GLMN: variants seen among roughly 807,000 people sequenced by gnomAD.
GLMN encodes the protein glomulin, FKBP associated protein, also known as glomulin.
A neutral mutation model predicts 87.8 loss-of-function variants in GLMN; 75 were observed. The ratio of observed to expected loss-of-function variants is 0.85; its 90% CI spans 0.71 to 1.04. GLMN has a LOEUF of 1.04. GLMN is among the 50% of genes least tolerant of loss of function. The pLI is 0.00. For synonymous variants in GLMN, 206 were observed against 221.6 expected (o/e 0.93, Z 0.63); for missense variants, 588 against 658.8 (o/e 0.89, Z 1.18).
the GLMN span, among the ~76,000 whole-genome samples, chr1:92,340,688 GC>G: frequency 6.6e-6 from 1 of 152,120 alleles, no homozygotes. Context: ...AGAGTTAAGA[GC>G]CTATTTTGGG....
chr1:92,305,695 A>G, the GLMN span, among the ~76,000 whole-genome samples: 2 of 152,164 alleles, frequency 1.3e-5, no homozygotes, highest in Non-Finnish European at 2.9e-5. Flanking sequence ...AAAAATTTAC[A>G]CAAGGAACTT....
At chr1:92,258,661 C>T (rs1310637725) in intron 16 of GLMN, among the ~76,000 whole-genome samples, 2 of 152,066 alleles carry the variant, frequency 1.3e-5, no homozygotes, top group African/African-American at 2.4e-5. Context: ...GAACAGAAAA[C>T]CAAACACCAC....
At chr1:92,307,426 C>T in the GLMN span, 1 of 559,414 alleles carries the variant, frequency 1.8e-6, no homozygotes, top group Non-Finnish European at 3.1e-6. Flanking sequence ...TTAAGCATAG[C>T]TATTAAGGAT....
chr1:92,267,029 AATTT>A (rs1477758289), intron 11 of GLMN, among the ~76,000 whole-genome samples: 3 of 152,252 alleles, frequency 2.0e-5, no homozygotes, highest in Admixed American at 6.5e-5. Flanking sequence ...ACAGAAATAT[AATTT>A]ATTAATTAAA....
At chr1:92,321,039 A>C in the GLMN span, among the ~76,000 whole-genome samples, 1 of 152,224 alleles carries the variant, frequency 6.6e-6, no homozygotes, top group East Asian at 1.9e-4. Flanking sequence ...CTAAAGCATT[A>C]ATATAAATTC....
intron 16 of GLMN, among the ~76,000 whole-genome samples, chr1:92,260,370 C>G (rs1654869575): frequency 6.6e-6 from 1 of 152,070 alleles, no homozygotes; most frequent in South Asian, 2.1e-4. Flanking sequence ...AATCCCAGCA[C>G]TTTGGGAGGC....
chr1:92,285,988 G>C (rs1282317777), intron 7 of GLMN, among the ~76,000 whole-genome samples: 1 of 151,864 alleles, frequency 6.6e-6, no homozygotes, highest in Non-Finnish European at 1.5e-5. Context: ...GGAGTTTTAA[G>C]GAAATAATTT....
chr1:92,307,167 G>A, the GLMN span: 1 of 1,544,928 alleles, frequency 6.5e-7, no homozygotes, highest in African/African-American at 1.4e-5. Context: ...AAAAAAACTA[G>A]ATTTATAATG....
the GLMN span, among the ~76,000 whole-genome samples, chr1:92,347,722 G>A: frequency 6.6e-6 from 1 of 152,096 alleles, no homozygotes; most frequent in African/African-American, 2.4e-5. Context: ...GCATCCATGT[G>A]GCACAAAATA....
chr1:92,359,345 G>A, the GLMN span, among the ~76,000 whole-genome samples: 1 of 152,198 alleles, frequency 6.6e-6, no homozygotes, highest in Non-Finnish European at 1.5e-5. Flanking sequence ...ATGAGACAGA[G>A]TTACGCTCTT....
chr1:92,349,091 T>TA, the GLMN span, among the ~76,000 whole-genome samples: 1 of 152,246 alleles, frequency 6.6e-6, no homozygotes, highest in Non-Finnish European at 1.5e-5. Context: ...ATGTCTTTTT[T>TA]AAAAATAATT....
At chr1:92,357,092 CAT>C in the GLMN span, among the ~76,000 whole-genome samples, 1 of 94,778 alleles carries the variant, frequency 1.1e-5, no homozygotes, top group Non-Finnish European at 1.9e-5. Context: ...AAAAGGATTA[CAT>C]ACACACACAC....
At chr1:92,344,566 T>C in the GLMN span, among the ~76,000 whole-genome samples, 1 of 152,246 alleles carries the variant, frequency 6.6e-6, no homozygotes, top group Non-Finnish European at 1.5e-5. Context: ...AACCCATTTT[T>C]TTAACACACA....
the GLMN span, among the ~76,000 whole-genome samples, chr1:92,330,104 C>T: frequency 7.8e-3 from 1,188 of 152,266 alleles, 6 homozygotes; most frequent in African/African-American, 0.027. Flanking sequence ...TCTTCTGCAC[C>T]GTCCAGTTTC....
chr1:92,248,942 A>G (rs1285690217), intron 16 of GLMN, among the ~76,000 whole-genome samples: 2 of 152,226 alleles, frequency 1.3e-5, no homozygotes, highest in East Asian at 3.9e-4. Flanking sequence ...GCATCTATCA[A>G]CTTATCTTGG....
the GLMN span, among the ~76,000 whole-genome samples, chr1:92,356,470 T>C: frequency 6.6e-6 from 1 of 151,952 alleles, no homozygotes; most frequent in South Asian, 2.1e-4. Flanking sequence ...CAGGCTGCAG[T>C]ACAGGTGACC....
At chr1:92,308,784 AC>A in the GLMN span, among the ~76,000 whole-genome samples, 2 of 152,118 alleles carry the variant, frequency 1.3e-5, no homozygotes, top group Non-Finnish European at 2.9e-5. Flanking sequence ...ATATGGTGAT[AC>A]CCTGTCTCTA....
the GLMN span, among the ~76,000 whole-genome samples, chr1:92,322,987 A>G: frequency 6.8e-6 from 1 of 147,192 alleles, no homozygotes; most frequent in Non-Finnish European, 1.5e-5. Flanking sequence ...TATATTATAT[A>G]TGTAAATATG....
the GLMN span, among the ~76,000 whole-genome samples, chr1:92,364,252 G>T: frequency 6.6e-6 from 1 of 152,090 alleles, no homozygotes; most frequent in African/African-American, 2.4e-5. Flanking sequence ...TTATAGGTAT[G>T]GAGAAAGCAG....
Sources: gnomAD v4.1 joint callset for allele counts (sites outside exome capture counted in the v4.1 genomes callset) on GRCh38, gnomAD v4.1.1 for gene constraint, MANE v1.5 for transcripts, NCBI Gene and HGNC (gene_info 2026-07-23, HGNC 2026-07-21) for gene names.